SVOP: variants seen among roughly 807,000 people sequenced by gnomAD.
SVOP encodes SV2 related protein.
SVOP carries 17 observed loss-of-function variants against 69.1 expected under a neutral mutation model. The observed-to-expected ratio is 0.25, with a 90% CI of 0.17 to 0.37. The LOEUF (loss-of-function observed/expected upper bound fraction) is 0.37, where lower values mean the gene tolerates loss of function less well. Among genes scored for constraint, SVOP ranks in the 10% least tolerant of loss-of-function variants. The pLI is 1.00. For synonymous variants in SVOP, 238 were observed against 238.6 expected, an observed-to-expected ratio of 1.00 and a Z score of 0.02; for missense variants, 435 against 597.5, an observed-to-expected ratio of 0.73 and a Z score of 2.84.
chr12:108,963,148 T>C (rs2040026445), intron 5 of SVOP, among the ~76,000 whole-genome samples: 1 of 152,216 alleles, frequency 6.6e-6, no homozygotes, highest in South Asian at 2.1e-4. Context: ...CTGTGAGGTC[T>C]GGTCAGGCCT....
chr12:108,956,174 C>T (rs1304438002), intron 6 of SVOP, among the ~76,000 whole-genome samples: 5 of 151,856 alleles, frequency 3.3e-5, no homozygotes, highest in Admixed American at 2.0e-4. Flanking sequence ...TGGTGTCAGG[C>T]GCCTGTAGTC....
intron 1 of SVOP, among the ~76,000 whole-genome samples, chr12:108,996,508 T>C (rs1325520933): frequency 6.6e-6 from 1 of 151,930 alleles, no homozygotes; most frequent in Non-Finnish European, 1.5e-5. Flanking sequence ...CAGGCCAAGA[T>C]GGCGCTACTG....
In SVOP at chr12:109,007,293, A is replaced by G. The variant is rs553635843; in HGVS notation, c.35+13541T>C. On this transcript the variant is annotated intron_variant, in intron 1 of 15. Coordinates refer to ENST00000610966, the MANE Select transcript of SVOP (RefSeq NM_018711.5). ...TGCACTTGAAGCAGCAGAGACTGCC[A>G]AGGTCACTAACATATGGACTTGCTT... Among the ~76,000 whole-genome samples the G allele has an allele frequency of 2.0e-5, 3 of 152,324 alleles. No homozygotes were observed. The East Asian group carries it at 5.8e-4, about 29-fold the overall frequency.
At chr12:108,982,118 T>A (rs995055502) in intron 2 of SVOP, among the ~76,000 whole-genome samples, 2 of 151,028 alleles carry the variant, frequency 1.3e-5, no homozygotes, top group South Asian at 2.1e-4. Context: ...GTAACCACCA[T>A]CTTCATCATC....
chr12:108,927,049 T>A (rs909528626), intron 11 of SVOP, among the ~76,000 whole-genome samples: 1 of 152,198 alleles, frequency 6.6e-6, no homozygotes, highest in Non-Finnish European at 1.5e-5. Flanking sequence ...TACTGTCTAG[T>A]ATAAAAGGTT....
chr12:108,978,547 G>T lies in SVOP; in HGVS notation c.282+31C>A, dbSNP rs187728487. On this transcript the variant is annotated intron_variant, in intron 3 of 15. Transcript: ENST00000610966. Reference sequence around the variant, plus strand: ...TTGAGCAGCATGGGGGTTTCTTGGAGGCTGAGCCACTGCCCCCCAGAAATA... The same window carrying T: ...TTGAGCAGCATGGGGGTTTCTTGGATGCTGAGCCACTGCCCCCCAGAAATA... 3.0e-4 allele frequency: 213 copies of T among 702,394 alleles called. 2 individuals are homozygous for T. In the East Asian group the frequency reaches 5.6e-3, roughly 18 times the overall value. 43.5% of individuals were successfully genotyped at this position (702,394 alleles called of 1,614,324 possible). A position where few individuals can be genotyped will look rare whatever the true frequency, so the allele number is the denominator to read the frequency against.
At chr12:108,953,590 C>T (rs1048227917) in intron 6 of SVOP, among the ~76,000 whole-genome samples, 2 of 152,172 alleles carry the variant, frequency 1.3e-5, no homozygotes, top group Admixed American at 1.3e-4. Context: ...TTAATGGAAA[C>T]TTTTAATTGC....
intron 7 of SVOP, among the ~76,000 whole-genome samples, chr12:108,944,148 G>A (rs1020163791): frequency 6.6e-6 from 1 of 151,864 alleles, no homozygotes; most frequent in African/African-American, 2.4e-5. Context: ...CCCAAAGTAC[G>A]GGATTATGGG....
At chr12:108,991,936 T>A (rs1205075404) in intron 1 of SVOP, among the ~76,000 whole-genome samples, 1 of 151,982 alleles carries the variant, frequency 6.6e-6, no homozygotes, top group African/African-American at 2.4e-5. Context: ...CAGAGTGAGA[T>A]CCTGACTCTA....
At chr12:108,967,713 G>C (rs911075969) in intron 5 of SVOP, among the ~76,000 whole-genome samples, 7 of 152,106 alleles carry the variant, frequency 4.6e-5, no homozygotes, top group Admixed American at 3.3e-4. Flanking sequence ...TGCACTGTGG[G>C]CTATGAAGCA....
intron 11 of SVOP, among the ~76,000 whole-genome samples, chr12:108,923,399 T>C (rs556270077): frequency 6.6e-6 from 1 of 152,102 alleles, no homozygotes; most frequent in South Asian, 2.1e-4. Context: ...GCAGCCTCAG[T>C]TGACAGCCAG....
rs1312320791 is a variant in SVOP at position 108,934,266 on chromosome 12, G to A, written c.977C>T (p.Ser326Phe). Residue 326 changes from serine to phenylalanine, a missense_variant, in exon 11 of 16, where the codon TCC (serine) becomes TTC (phenylalanine). Transcript: ENST00000610966. ...TTLLLWFIWFSNAFSYYGLVL... is the reference protein window; with the variant it reads ...TTLLLWFIWFFNAFSYYGLVL... ...TAACCCGTAGTAAGAGAATGCATTG[G>A]AAAACCTGCCAGGAGAAAGCAAGAA... 2 of 1,601,862 alleles carry A rather than the reference G, an allele frequency of 1.2e-6. No homozygotes were observed. The highest frequency in any genetic ancestry group is 1.7e-6 in the Non-Finnish European group (2 of 1,174,330).
At chr12:108,915,175 A>C (rs866958403) in intron 15 of SVOP, among the ~76,000 whole-genome samples, 3,134 of 76,358 alleles carry the variant, frequency 0.041, 43 homozygotes, top group Non-Finnish European at 0.077. Flanking sequence ...TCCATCCCAA[A>C]AAAAAAAAAA....
intron 5 of SVOP, among the ~76,000 whole-genome samples, chr12:108,967,901 A>G (rs1050670356): frequency 1.3e-5 from 2 of 152,178 alleles, no homozygotes; most frequent in Non-Finnish European, 2.9e-5. Flanking sequence ...ATTTCTGAAA[A>G]CCCCTCTGTA....
intron 13 of SVOP, 60 bp downstream of exon 13, chr12:108,919,615 C>A: frequency 1.4e-6 from 2 of 1,393,154 alleles, no homozygotes; most frequent in Admixed American, 2.0e-5. Context: ...CCTGCACCCA[C>A]ACCTGCACCC....
At chr12:108,917,223 T>A (rs1163574706) in intron 14 of SVOP, among the ~76,000 whole-genome samples, 1 of 152,240 alleles carries the variant, frequency 6.6e-6, no homozygotes, top group Non-Finnish European at 1.5e-5. Flanking sequence ...CACTCGAGAT[T>A]TGTCACATTT....
At chr12:108,991,442 C>CTTGTTTGTTTGTTTGT (rs370214885) in intron 1 of SVOP, among the ~76,000 whole-genome samples, 4 of 13,994 alleles carry the variant, frequency 2.9e-4, no homozygotes, top group South Asian at 2.5e-3. Context: ...TCGGGTTTTG[C>CTTGTTTGTTTGTTTGT]TTGTTTGTTT....
At chr12:109,012,332 C>T (rs10849923) in intron 1 of SVOP, among the ~76,000 whole-genome samples, 75,229 of 151,452 alleles carry the variant, frequency 0.5, 21,842 homozygotes, top group South Asian at 0.72. Flanking sequence ...AGAGATCTAT[C>T]GTACAACATG....
intron 13 of SVOP, among the ~76,000 whole-genome samples, chr12:108,919,405 G>A (rs1283840024): frequency 7.0e-6 from 1 of 142,510 alleles, no homozygotes; most frequent in African/African-American, 2.6e-5. Flanking sequence ...ACCTGGGCCT[G>A]CACCCACACC....
Sources: gnomAD v4.1 joint callset for allele counts (sites outside exome capture counted in the v4.1 genomes callset) on GRCh38, gnomAD v4.1.1 for gene constraint, MANE v1.5 for transcripts, NCBI Gene and HGNC (gene_info 2026-07-23, HGNC 2026-07-21) for gene names.